Variants in DOCK5 observed in about 807,000 individuals in gnomAD.
The protein encoded by DOCK5 is dedicator of cytokinesis protein 5.
Under a neutral mutation model 251.8 loss-of-function variants are expected in DOCK5, and 142 were observed. The observed-to-expected ratio is 0.56, with a 90% CI of 0.49 to 0.65. DOCK5 has a LOEUF of 0.65. Ranked by LOEUF, DOCK5 falls within the 30% of genes least tolerant of loss-of-function variation. DOCK5 has a pLI of 0.00. For synonymous variants in DOCK5, 842 were observed against 835.5 expected, an observed-to-expected ratio of 1.01 and a Z score of -0.13; for missense variants, 2,111 against 2,312.3, an observed-to-expected ratio of 0.91 and a Z score of 1.79.
intron 1 of DOCK5, among the ~76,000 whole-genome samples, chr8:25,240,498 C>T (rs2117539688): frequency 6.6e-6 from 1 of 152,264 alleles, no homozygotes; most frequent in South Asian, 2.1e-4. Context: ...CAATAATCTC[C>T]TATATTGCCT....
Position 25,281,964 on chromosome 8 carries a change from A to G in DOCK5, c.321+3299A>G, listed in dbSNP as rs75968884. ...CATTTTAATTTAGATATCTAATAAC[A>G]TAATTATTTTGGTATTTGTGAATAA... On this transcript the variant is annotated intron_variant, in intron 5 of 51. Coordinates refer to ENST00000276440, the MANE Select transcript of DOCK5 (RefSeq NM_024940.8). Among the ~76,000 whole-genome samples the G allele has an allele frequency of 2.1e-3, 312 of 152,162 alleles. 10 individuals are homozygous for G. In the East Asian group the frequency reaches 0.045, roughly 22 times the overall value.
rs1586403752 is a variant in DOCK5 at position 25,408,803 on chromosome 8, G to A, written c.5267G>A (p.Ser1756Asn). Residue 1756 changes from serine (S) to asparagine (N), a missense_variant and splice_region_variant, in exon 50 of 52, where the codon AGC (serine) becomes AAC (asparagine). Physicochemically the swap from Ser to Asn is conservative, Grantham distance 46 (BLOSUM62 1). Coordinates refer to ENST00000276440, the MANE Select transcript of DOCK5 (RefSeq NM_024940.8). ...AEKAPEPDLM[S>N]PTRKAQRPKS... ...TTTGCTTTTTCTCTCTGGTCCTAGA[G>A]CCCAACCAGAAAAGCACAAAGGCCA... The A allele has an allele frequency of 1.9e-6, 3 of 1,613,762 alleles. No individual in the cohort carries two copies. In the African/African-American group the frequency reaches 4.0e-5, roughly 22 times the overall value.
intron 1 of DOCK5, among the ~76,000 whole-genome samples, chr8:25,202,612 T>C (rs1347889662): frequency 1.3e-5 from 2 of 152,164 alleles, no homozygotes; most frequent in Non-Finnish European, 2.9e-5. Flanking sequence ...GTGGTGAGGA[T>C]CACACAGTAG....
chr8:25,206,562 A>C (rs1310903590), intron 1 of DOCK5, among the ~76,000 whole-genome samples: 3 of 152,170 alleles, frequency 2.0e-5, no homozygotes, highest in Admixed American at 1.3e-4. Flanking sequence ...GCTAGTTCCT[A>C]CATGACAAAT....
intron 33 of DOCK5, among the ~76,000 whole-genome samples, chr8:25,369,344 A>G (rs898341826): frequency 1.3e-5 from 2 of 152,340 alleles, no homozygotes; most frequent in South Asian, 2.1e-4. Context: ...TTTTAATCAA[A>G]TGTAATGCAA....
chr8:25,287,355 G>A (rs979568772), intron 5 of DOCK5, among the ~76,000 whole-genome samples: 29 of 152,044 alleles, frequency 1.9e-4, no homozygotes, highest in African/African-American at 6.8e-4. Context: ...GAACCCAGGA[G>A]GTGGAGGTTG....
At chr8:25,341,878 G>T in intron 24 of DOCK5, 69 bp downstream of exon 24, 1 of 1,263,034 alleles carries the variant, frequency 7.9e-7, no homozygotes, top group Non-Finnish European at 1.1e-6. Context: ...GCTGGAGCCT[G>T]GGCTGCTACA....
chr8:25,312,695 G>A (rs537331375), intron 13 of DOCK5, among the ~76,000 whole-genome samples: 57 of 150,286 alleles, frequency 3.8e-4, no homozygotes, highest in African/African-American at 1.3e-3. Context: ...CCCGGGAGGC[G>A]GTGGTTGCAG....
At chr8:25,210,008 T>TTTTATA (rs1403956039) in intron 1 of DOCK5, among the ~76,000 whole-genome samples, 1 of 27,218 alleles carries the variant, frequency 3.7e-5, no homozygotes, top group African/African-American at 1.1e-4. Flanking sequence ...CCCCGGCTAA[T>TTTTATA]TATATATATA....
chr8:25,383,577 G>A (rs1263032202), intron 40 of DOCK5, among the ~76,000 whole-genome samples: 2 of 152,180 alleles, frequency 1.3e-5, no homozygotes, highest in African/African-American at 4.8e-5. Flanking sequence ...TCTGCATGTC[G>A]GACGCAGTGG....
intron 1 of DOCK5, among the ~76,000 whole-genome samples, chr8:25,189,571 G>T (rs1465746316): frequency 6.6e-6 from 1 of 152,130 alleles, no homozygotes; most frequent in East Asian, 1.9e-4. Flanking sequence ...ATGTTGCCCA[G>T]GCTGGTCTGG....
intron 1 of DOCK5, among the ~76,000 whole-genome samples, chr8:25,185,718 A>G (rs1334155316): frequency 6.6e-6 from 1 of 152,186 alleles, no homozygotes; most frequent in African/African-American, 2.4e-5. Context: ...GGCACTTGGC[A>G]TTCAGAACAG....
chr8:25,362,933 C>T (rs1176951629), intron 28 of DOCK5, 114 bp from the exon 29 acceptor site: 4 of 737,410 alleles, frequency 5.4e-6, no homozygotes, highest in Non-Finnish European at 9.4e-6. Flanking sequence ...TGGGCTGTTA[C>T]TGTGGGGCTA....
intron 1 of DOCK5, among the ~76,000 whole-genome samples, chr8:25,228,068 A>T (rs1035354608): frequency 6.6e-6 from 1 of 151,984 alleles, no homozygotes; most frequent in Non-Finnish European, 1.5e-5. Context: ...GTAGAGATGG[A>T]GTTTTGCCCT....
At chr8:25,319,961 GCAAA>G (rs1038013690) in intron 15 of DOCK5, among the ~76,000 whole-genome samples, 5 of 152,190 alleles carry the variant, frequency 3.3e-5, no homozygotes, top group African/African-American at 1.2e-4. Context: ...TTCACACTGT[GCAAA>G]CAGTTTCCTA....
At position 25,296,581 on chromosome 8, in the gene DOCK5, C is replaced by T; in HGVS notation, c.539C>T (p.Thr180Ile). Residue 180 changes from threonine to isoleucine, a missense_variant, in exon 7 of 52, where the codon ACC (threonine) becomes ATC (isoleucine). Coordinates refer to ENST00000276440, the MANE Select transcript of DOCK5 (RefSeq NM_024940.8). ...ATCCTAGACCCTGACGAAACCAGCA[C>T]CATTGCCCTCTTCAAGGCCCATGAG... ...GNILDPDETS[T>I]IALFKAHEVA... The T allele has an allele frequency of 1.9e-6, 3 of 1,612,618 alleles. No homozygotes were observed. Among genetic ancestry groups the T allele is most frequent in the Non-Finnish European group, 2.5e-6 (3 of 1,179,352 alleles).
At chr8:25,222,599 T>C (rs1032385780) in intron 1 of DOCK5, among the ~76,000 whole-genome samples, 1 of 152,210 alleles carries the variant, frequency 6.6e-6, no homozygotes, top group Non-Finnish European at 1.5e-5. Flanking sequence ...AGACCAGGAA[T>C]CATAATTATT....
intron 27 of DOCK5, among the ~76,000 whole-genome samples, chr8:25,358,592 TTAAC>T (rs1800619746): frequency 1.3e-5 from 2 of 152,190 alleles, no homozygotes; most frequent in Non-Finnish European, 1.5e-5. Context: ...TAAGATTTGT[TTAAC>T]TAATCTAAGT....
At chr8:25,386,018 G>T (rs1048104581) in intron 40 of DOCK5, among the ~76,000 whole-genome samples, 4 of 152,188 alleles carry the variant, frequency 2.6e-5, no homozygotes, top group African/African-American at 9.7e-5. Flanking sequence ...GTACAAGAGG[G>T]TGTATAGGAG....
Sources: allele counts gnomAD v4.1 joint callset (sites outside exome capture counted in the v4.1 genomes callset), GRCh38; gene constraint gnomAD v4.1.1; transcripts MANE v1.5; gene names NCBI Gene and HGNC (gene_info 2026-07-23, HGNC 2026-07-21).